The following PHYHIPL variants were observed in gnomAD, a reference collection of about 807,000 sequenced individuals.
PHYHIPL encodes the protein phytanoyl-CoA 2-hydroxylase interacting protein like.
A neutral mutation model predicts 33.4 loss-of-function variants in PHYHIPL; 9 were observed. That is an observed-to-expected ratio of 0.27 (90% CI 0.16 to 0.47). PHYHIPL has a LOEUF of 0.47. Among genes scored for constraint, PHYHIPL ranks in the 20% least tolerant of loss-of-function variants. The probability of loss-of-function intolerance (pLI) is 0.99; values close to 1 mark genes in which losing one functional copy is unlikely to be tolerated. For missense variants in PHYHIPL, 365 were observed against 460.7 expected, an observed-to-expected ratio of 0.79 and a Z score of 1.90; for synonymous variants, 153 against 154.1, an observed-to-expected ratio of 0.99 and a Z score of 0.05.
chr10:59,238,765 C>G, intron 4 of PHYHIPL, 60 bp downstream of exon 4: 1 of 1,121,848 alleles, frequency 8.9e-7, no homozygotes, highest in Non-Finnish European at 1.3e-6. Context: ...ATTCTAGGCT[C>G]AGGTTTCCCT....
At chr10:59,184,584 C>A (rs1333686323) in intron 1 of PHYHIPL, among the ~76,000 whole-genome samples, 1 of 151,182 alleles carries the variant, frequency 6.6e-6, no homozygotes, top group East Asian at 1.9e-4. Context: ...GGGTGGTCCC[C>A]TATACCATTG....
At chr10:59,191,233 A>G (rs1838776001) in intron 1 of PHYHIPL, among the ~76,000 whole-genome samples, 1 of 151,998 alleles carries the variant, frequency 6.6e-6, no homozygotes, top group Admixed American at 6.6e-5. Flanking sequence ...GTTAAATTGG[A>G]AAGATCTTAC....
At position 59,245,187 on chromosome 10, in the gene PHYHIPL, C is replaced by A; in HGVS notation, c.727C>A (p.Gln243Lys). Reference sequence around the variant, plus strand: ...TGAATTCAATACTGGAAAGCCACCCCAGGATTCACCTTATGGAAGATACAG... The same window carrying A: ...TGAATTCAATACTGGAAAGCCACCCAAGGATTCACCTTATGGAAGATACAG... ...STEFNTGKPP[Q>K]DSPYGRYRFE... Residue 243 changes from glutamine (Q) to lysine (K), a missense_variant, in exon 5 of 5, where the codon CAG becomes AAG. Gln to Lys is a moderately conservative substitution (Grantham distance 53). This residue lies in a region of PHYHIPL where 196 missense variants were observed against 224.9 expected (regional missense o/e 0.87). Transcript: ENST00000373880. The A allele has an allele frequency of 6.2e-7, 1 of 1,614,142 alleles. No homozygotes were observed. Among genetic ancestry groups the A allele is most frequent in the Non-Finnish European group, 8.5e-7 (1 of 1,180,028 alleles).
chr10:59,183,554 C>T (rs1838473163), intron 1 of PHYHIPL: 1 of 514,638 alleles, frequency 1.9e-6, no homozygotes, highest in South Asian at 8.3e-5. Context: ...CTTTGTATCT[C>T]ACCCTTTGAG....
chr10:59,238,590 T>C lies in PHYHIPL; in HGVS notation c.481T>C (p.Tyr161His), dbSNP rs1234935436. 6.3e-7 allele frequency: 1 copy of C among 1,590,428 alleles called. No individual in the cohort carries two copies. Among genetic ancestry groups the C allele is most frequent in the Non-Finnish European group, 8.6e-7 (1 of 1,159,934 alleles). Residue 161 changes from tyrosine (Y) to histidine (H), a missense_variant and splice_region_variant, in exon 4 of 5, where the codon TAT (tyrosine) becomes CAT (histidine). Around this residue, in one of 4 missense-constraint regions of PHYHIPL, gnomAD observed 196 missense variants for 224.9 expected, o/e 0.87. Coordinates refer to ENST00000373880, the MANE Select transcript of PHYHIPL (RefSeq NM_032439.4). ...CAGACTTTTTGGGTTTTTTCCAGAC[T>C]ATTCAAAAGTTCATCTAACACAATT... ...SEIIEFCTAD[Y>H]SKVHLTQLLE...
At chr10:59,242,770 T>C (rs1456025011) in intron 4 of PHYHIPL, among the ~76,000 whole-genome samples, 1 of 152,126 alleles carries the variant, frequency 6.6e-6, no homozygotes, top group Non-Finnish European at 1.5e-5. Context: ...AAAAGCTGGA[T>C]AGACTCCATG....
intron 1 of PHYHIPL, among the ~76,000 whole-genome samples, chr10:59,189,061 T>A (rs1463537299): frequency 6.6e-6 from 1 of 152,118 alleles, no homozygotes; most frequent in Non-Finnish European, 1.5e-5. Flanking sequence ...TGTATAATTA[T>A]ATTGATGCAT....
chr10:59,199,239 T>C (rs1433544445), intron 1 of PHYHIPL, among the ~76,000 whole-genome samples: 1 of 152,216 alleles, frequency 6.6e-6, no homozygotes, highest in Non-Finnish European at 1.5e-5. Flanking sequence ...TTATATAAGA[T>C]ATAAGGAAGG....
intron 2 of PHYHIPL, among the ~76,000 whole-genome samples, 197 bp downstream of exon 2, chr10:59,234,697 T>C (rs11006406): frequency 0.051 from 7,695 of 151,892 alleles, 293 homozygotes; most frequent in Non-Finnish European, 0.076. Flanking sequence ...ATGCTTTTTG[T>C]TAGAAGATAA....
chr10:59,202,230 G>A (rs1471637748), intron 1 of PHYHIPL, among the ~76,000 whole-genome samples: 2 of 151,922 alleles, frequency 1.3e-5, no homozygotes, highest in Non-Finnish European at 2.9e-5. Context: ...ATTACCCACC[G>A]GGTACAATGT....
At chr10:59,206,701 A>G in intron 1 of PHYHIPL, 1 of 840,402 alleles carries the variant, frequency 1.2e-6, no homozygotes, top group Non-Finnish European at 1.6e-6. Context: ...GAGACAGAAA[A>G]TTGTAAAAGT....
intron 4 of PHYHIPL, among the ~76,000 whole-genome samples, chr10:59,244,553 ACT>A (rs1448798127): frequency 1.9e-5 from 2 of 106,538 alleles, no homozygotes; most frequent in African/African-American, 3.9e-5. Context: ...ACAGAGTGAG[ACT>A]CTGTCTCAAA....
chr10:59,182,444 G>A (rs989172577), intron 1 of PHYHIPL, among the ~76,000 whole-genome samples: 2 of 152,006 alleles, frequency 1.3e-5, no homozygotes, highest in African/African-American at 2.4e-5. Context: ...CTGGTTTCAC[G>A]TGACTCTCCT....
intron 1 of PHYHIPL, among the ~76,000 whole-genome samples, chr10:59,189,597 A>C (rs1413588352): frequency 6.6e-6 from 1 of 152,012 alleles, no homozygotes; most frequent in Non-Finnish European, 1.5e-5. Context: ...AATTAAGAAC[A>C]GGAAAAAAGG....
chr10:59,243,832 T>C (rs1366302937), intron 4 of PHYHIPL, among the ~76,000 whole-genome samples: 2 of 151,956 alleles, frequency 1.3e-5, no homozygotes, highest in African/African-American at 2.4e-5. Context: ...TACCCCTTCA[T>C]AGAGGTGTAG....
chr10:59,220,068 A>C (rs934042999), intron 1 of PHYHIPL, among the ~76,000 whole-genome samples: 2 of 152,116 alleles, frequency 1.3e-5, no homozygotes, highest in African/African-American at 4.8e-5. Context: ...CTGAATTGCT[A>C]ATAACAAAGT....
In PHYHIPL at chr10:59,246,197, G is replaced by C. The variant is rs1339207802; in HGVS notation, c.*606G>C. On this transcript the variant is annotated 3_prime_UTR_variant, in exon 5 of 5. Coordinates refer to ENST00000373880, the MANE Select transcript of PHYHIPL (RefSeq NM_032439.4). ...TATTTACAATCATATAGAATATATA[G>C]AGTTACATTTTAATAGCAACTGTGT... 1.3e-5 allele frequency: 2 copies of C among 153,008 alleles called. No individual in the cohort carries two copies. The highest frequency in any genetic ancestry group is 6.5e-5 in the Admixed American group (1 of 15,282). The allele number at this position is 153,008 out of a possible 1,614,324, so 9.5% of individuals were successfully genotyped here.
At chr10:59,214,552 T>C (rs1186942217) in intron 1 of PHYHIPL, among the ~76,000 whole-genome samples, 1 of 152,098 alleles carries the variant, frequency 6.6e-6, no homozygotes, top group African/African-American at 2.4e-5. Flanking sequence ...GTGTGTATTG[T>C]GGGATTTTAT....
intron 1 of PHYHIPL, among the ~76,000 whole-genome samples, chr10:59,196,416 T>C (rs1244918068): frequency 1.6e-5 from 2 of 122,642 alleles, no homozygotes; most frequent in Non-Finnish European, 3.2e-5. Flanking sequence ...ACTGTCAACA[T>C]TTTTTTTTTT....
Sources: allele counts gnomAD v4.1 joint callset (sites outside exome capture counted in the v4.1 genomes callset), GRCh38; gene constraint gnomAD v4.1.1; regional missense constraint gnomAD v4.1.1; transcripts MANE v1.5; gene names NCBI Gene and HGNC (gene_info 2026-07-23, HGNC 2026-07-21).